Variants in MID1 observed in about 807,000 individuals in gnomAD.
The protein encoded by MID1 is E3 ubiquitin-protein ligase Midline-1.
Under a neutral mutation model 40.4 loss-of-function variants are expected in MID1, and 7 were observed. The ratio of observed to expected loss-of-function variants is 0.17; its 90% CI spans 0.10 to 0.33. The LOEUF (loss-of-function observed/expected upper bound fraction) is 0.33, where lower values mean the gene tolerates loss of function less well. MID1 is among the 10% of genes least tolerant of loss of function. The pLI is 1.00. For synonymous variants in MID1, 229 were observed against 221.2 expected (o/e 1.04, Z -0.31); for missense variants, 367 against 558.5 (o/e 0.66, Z 3.46).
intron 1 of MID1, among the ~76,000 whole-genome samples, chrX:10,743,720 T>A (rs1033660933): frequency 8.9e-6 from 1 of 112,422 alleles, no homozygotes; most frequent in African/African-American, 3.2e-5. Context: ...AATGCATGTC[T>A]AGCCTTTCAG....
chrX:10,537,189 T>TA (rs772319130), intron 2 of MID1, among the ~76,000 whole-genome samples: 23 of 106,314 alleles, frequency 2.2e-4, no homozygotes, highest in Admixed American at 6.0e-4. Flanking sequence ...ACGTCGTTCT[T>TA]AAAAAAAAAA....
At chrX:10,604,623 T>G (rs754470219) in intron 1 of MID1, among the ~76,000 whole-genome samples, 2 of 112,156 alleles carry the variant, frequency 1.8e-5, no homozygotes, top group Non-Finnish European at 3.8e-5. Context: ...GGCTGACAAT[T>G]AAATATTTTC....
intron 2 of MID1, among the ~76,000 whole-genome samples, chrX:10,547,208 G>A (rs760913456): frequency 3.6e-5 from 4 of 110,913 alleles, no homozygotes; most frequent in Non-Finnish European, 7.6e-5. Flanking sequence ...CGGGGAGGTC[G>A]AGGCTGCAGT....
intron 2 of MID1, among the ~76,000 whole-genome samples, chrX:10,527,956 T>A (rs1309062584): frequency 8.9e-6 from 1 of 112,105 alleles, no homozygotes; most frequent in Non-Finnish European, 1.9e-5. Flanking sequence ...GGAGAACTCA[T>A]CTACGATCAT....
chrX:10,769,589 T>C (rs1286581799), intron 1 of MID1, among the ~76,000 whole-genome samples: 1 of 112,251 alleles, frequency 8.9e-6, no homozygotes, highest in African/African-American at 3.2e-5. Flanking sequence ...ACACAAGAAC[T>C]GAAAAATACC....
intron 3 of MID1, among the ~76,000 whole-genome samples, chrX:10,514,054 G>A (rs893155184): frequency 4.5e-5 from 5 of 111,552 alleles, no homozygotes; most frequent in Admixed American, 9.5e-5. Context: ...CAGCCTTTGG[G>A]CCTCCAATTA....
intron 7 of MID1, among the ~76,000 whole-genome samples, chrX:10,462,935 G>A (rs1929135532): frequency 9.0e-6 from 1 of 111,041 alleles, no homozygotes; most frequent in Admixed American, 9.6e-5. Context: ...TTTCATGAAT[G>A]TTTTCTAAGT....
chrX:10,635,310 A>G (rs1005580928), intron 1 of MID1, among the ~76,000 whole-genome samples: 4 of 112,010 alleles, frequency 3.6e-5, no homozygotes, highest in Non-Finnish European at 5.6e-5. Flanking sequence ...AATCTTTACC[A>G]TTATGATTAC....
At chrX:10,742,409 C>T (rs1473475450) in intron 1 of MID1, among the ~76,000 whole-genome samples, 2 of 111,565 alleles carry the variant, frequency 1.8e-5, no homozygotes, top group East Asian at 2.8e-4. Flanking sequence ...ATATTTGCAC[C>T]AAGGGTACTA....
chrX:10,561,457 A>G (rs773019767), intron 2 of MID1, among the ~76,000 whole-genome samples: 2 of 106,991 alleles, frequency 1.9e-5, no homozygotes, highest in African/African-American at 3.7e-5. Context: ...GAAAAATTTT[A>G]CAATCTACCC....
At chrX:10,822,009 A>AT (rs370865032) in intron 1 of MID1, among the ~76,000 whole-genome samples, 45 of 104,653 alleles carry the variant, frequency 4.3e-4, no homozygotes, top group Non-Finnish European at 4.1e-4. Flanking sequence ...TTTTTTTCTC[A>AT]TTTTTTTTTC....
intron 2 of MID1, among the ~76,000 whole-genome samples, chrX:10,536,553 CT>C (rs1183957158): frequency 1.7e-4 from 19 of 112,524 alleles, no homozygotes; most frequent in Non-Finnish European, 3.6e-4. Flanking sequence ...AAGCCATTTG[CT>C]TTTAATCCAG....
chrX:10,718,797 A>T (rs1475479748), intron 1 of MID1, among the ~76,000 whole-genome samples: 3 of 112,140 alleles, frequency 2.7e-5, no homozygotes, highest in Non-Finnish European at 5.6e-5. Flanking sequence ...AAAAATCCTC[A>T]ATAAAATACT....
chrX:10,785,445 T>G (rs2043875627), intron 1 of MID1, among the ~76,000 whole-genome samples: 1 of 111,517 alleles, frequency 9.0e-6, no homozygotes, highest in Non-Finnish European at 1.9e-5. Context: ...ATGACTTTCT[T>G]CAAAGAATTG....
At chrX:10,481,089 C>G (rs914347185) in intron 5 of MID1, among the ~76,000 whole-genome samples, 1 of 112,076 alleles carries the variant, frequency 8.9e-6, no homozygotes, top group African/African-American at 3.2e-5. Flanking sequence ...GTTTTATTGG[C>G]ACACAGCCAC....
intron 1 of MID1, among the ~76,000 whole-genome samples, chrX:10,640,434 G>A (rs907685874): frequency 9.0e-6 from 1 of 110,998 alleles, no homozygotes; most frequent in Non-Finnish European, 1.9e-5. Context: ...TTACATAATG[G>A]TAAAGGGATC....
intron 1 of MID1, among the ~76,000 whole-genome samples, chrX:10,831,372 A>G (rs774527430): frequency 8.9e-6 from 1 of 111,773 alleles, no homozygotes; most frequent in African/African-American, 3.3e-5. Flanking sequence ...CCTATTTCCC[A>G]TTGTTTGTTT....
chrX:10,761,380 A>G (rs946138299), intron 1 of MID1, among the ~76,000 whole-genome samples: 15 of 111,919 alleles, frequency 1.3e-4, no homozygotes, highest in Non-Finnish European at 5.6e-5. Flanking sequence ...GGGTACCAAT[A>G]AAGTTTTGTT....
chrX:10,686,771 A>G (rs951418989), intron 1 of MID1, among the ~76,000 whole-genome samples: 8 of 112,189 alleles, frequency 7.1e-5, no homozygotes, highest in African/African-American at 2.6e-4. Context: ...ATCCTTGGAC[A>G]ACCTGGCTGA....
Sources: gnomAD v4.1 joint callset for allele counts (sites outside exome capture counted in the v4.1 genomes callset) on GRCh38, gnomAD v4.1.1 for gene constraint, MANE v1.5 for transcripts, NCBI Gene and HGNC (gene_info 2026-07-23, HGNC 2026-07-21) for gene names.